KDM4C: variants seen among roughly 807,000 people sequenced by gnomAD.
The protein encoded by KDM4C is lysine-specific demethylase 4C.
In KDM4C, 81 loss-of-function variants were observed where a neutral mutation model predicts 129.3. That is an observed-to-expected ratio of 0.63 (90% confidence interval 0.52 to 0.75). KDM4C has a LOEUF of 0.75. Ranked by LOEUF, KDM4C falls within the 30% of genes least tolerant of loss-of-function variation. KDM4C has a pLI of 0.00. For missense variants in KDM4C, 1,457 were observed against 1,304.0 expected (o/e 1.12, Z -1.81); for synonymous variants, 573 against 456.1 (o/e 1.26, Z -3.26).
At chr9:6,816,815 C>T (rs1832186273) in intron 4 of KDM4C, among the ~76,000 whole-genome samples, 1 of 150,518 alleles carries the variant, frequency 6.6e-6, no homozygotes, top group East Asian at 1.9e-4. Flanking sequence ...AGTGAAGTCT[C>T]TTATACACTT....
At chr9:6,930,657 A>G (rs901993422) in intron 8 of KDM4C, among the ~76,000 whole-genome samples, 7 of 129,262 alleles carry the variant, frequency 5.4e-5, no homozygotes, top group Non-Finnish European at 1.2e-4. Flanking sequence ...TACATACTAC[A>G]TATAATAGTA....
intron 5 of KDM4C, among the ~76,000 whole-genome samples, chr9:6,869,885 T>C (rs543158798): frequency 6.6e-6 from 1 of 152,348 alleles, no homozygotes; most frequent in South Asian, 2.1e-4. Flanking sequence ...TGTTCTACTT[T>C]CCACAGTTAA....
In KDM4C at chr9:6,834,276, A is replaced by G. The variant is rs908601025; in HGVS notation, c.436-15231A>G. On this transcript the variant is annotated intron_variant, in intron 4 of 21. Transcript: ENST00000381309. ...ATTTCGGAACTCCTGAGCTCAAGCAATCTGCTCGCCTTGGCCTCCCAAAGT... is the reference window on the plus strand; with the variant it reads ...ATTTCGGAACTCCTGAGCTCAAGCAGTCTGCTCGCCTTGGCCTCCCAAAGT... 4.6e-5 allele frequency among the ~76,000 whole-genome samples: 7 copies of G among 152,108 alleles called. No individual in the cohort carries two copies. The East Asian group carries it at 7.8e-4, about 17-fold the overall frequency.
At chr9:6,828,432 C>T (rs1262814525) in intron 4 of KDM4C, among the ~76,000 whole-genome samples, 1 of 152,000 alleles carries the variant, frequency 6.6e-6, no homozygotes, top group Non-Finnish European at 1.5e-5. Context: ...CAGGTGTGAG[C>T]CACCGTGCCC....
intron 12 of KDM4C, among the ~76,000 whole-genome samples, chr9:6,994,739 A>G (rs1214909194): frequency 6.6e-6 from 1 of 152,370 alleles, no homozygotes; most frequent in South Asian, 2.1e-4. Flanking sequence ...TTGTCCAGGA[A>G]ATAGTCTCCC....
At chr9:7,058,922 A>G (rs961850081) in intron 17 of KDM4C, among the ~76,000 whole-genome samples, 1 of 152,040 alleles carries the variant, frequency 6.6e-6, no homozygotes, top group African/African-American at 2.4e-5. Context: ...TTTGGCAGAC[A>G]TTTTCTAAAA....
chr9:6,986,990 AC>A (rs1372697231), intron 11 of KDM4C: 1 of 225,096 alleles, frequency 4.4e-6, no homozygotes, highest in Non-Finnish European at 8.7e-6. Context: ...GATTCTTTGT[AC>A]CCTTTACTCA....
intron 19 of KDM4C, among the ~76,000 whole-genome samples, chr9:7,157,107 T>A (rs1263386926): frequency 2.0e-5 from 3 of 152,184 alleles, no homozygotes; most frequent in Non-Finnish European, 2.9e-5. Context: ...TTTATTTTCT[T>A]TGTAGCAGTT....
intron 17 of KDM4C, among the ~76,000 whole-genome samples, chr9:7,085,794 G>C (rs186288618): frequency 5.1e-4 from 78 of 152,178 alleles, no homozygotes; most frequent in Non-Finnish European, 1.0e-3. Context: ...GAAGTGAATG[G>C]AGCATGCAGT....
chr9:6,865,056 T>G (rs1841685694), intron 5 of KDM4C, among the ~76,000 whole-genome samples: 1 of 146,248 alleles, frequency 6.8e-6, no homozygotes, highest in Non-Finnish European at 1.5e-5. Context: ...TTGCCCAAGC[T>G]GGAGTGCAGT....
At chr9:7,140,398 G>A (rs1382966575) in intron 19 of KDM4C, among the ~76,000 whole-genome samples, 7 of 152,174 alleles carry the variant, frequency 4.6e-5, no homozygotes, top group Non-Finnish European at 4.4e-5. Flanking sequence ...GGGCAAAAAT[G>A]TAACCAGTGT....
chr9:6,884,101 A>G (rs1357620912), intron 6 of KDM4C, among the ~76,000 whole-genome samples: 1 of 152,164 alleles, frequency 6.6e-6, no homozygotes, highest in Non-Finnish European at 1.5e-5. Context: ...CCATTCCAGG[A>G]TCAGTATGAA....
chr9:6,866,642 G>T (rs147483606), intron 5 of KDM4C, among the ~76,000 whole-genome samples: 11 of 152,116 alleles, frequency 7.2e-5, no homozygotes, highest in Admixed American at 6.5e-4. Context: ...AGAAGGGACA[G>T]TGTCCTCCTA....
chr9:6,821,829 T>C (rs2131225035), intron 4 of KDM4C, among the ~76,000 whole-genome samples: 1 of 152,326 alleles, frequency 6.6e-6, no homozygotes, highest in African/African-American at 2.4e-5. Context: ...GAGACCGTGA[T>C]TCGCCATGTT....
intron 12 of KDM4C, among the ~76,000 whole-genome samples, chr9:7,009,809 G>A (rs1163059478): frequency 3.3e-5 from 5 of 151,960 alleles, no homozygotes; most frequent in Non-Finnish European, 7.4e-5. Context: ...GAACATCATT[G>A]GTTTGAATTG....
chr9:6,862,109 G>T (rs1841045911), intron 5 of KDM4C, among the ~76,000 whole-genome samples: 1 of 152,102 alleles, frequency 6.6e-6, no homozygotes, highest in Non-Finnish European at 1.5e-5. Flanking sequence ...GCAGTCAATT[G>T]TATGATCTCT....
At chr9:6,855,028 T>C (rs1265175983) in intron 5 of KDM4C, among the ~76,000 whole-genome samples, 1 of 152,228 alleles carries the variant, frequency 6.6e-6, no homozygotes, top group African/African-American at 2.4e-5. Flanking sequence ...AAAGTACATA[T>C]CACAGCTGGA....
chr9:6,889,211 T>TTGTGTGTG (rs34443147), intron 7 of KDM4C, among the ~76,000 whole-genome samples: 1,009 of 61,588 alleles, frequency 0.016, 46 homozygotes, highest in African/African-American at 0.044. Context: ...GGCCTTCTTT[T>TTGTGTGTG]TGTGTGTGTG....
intron 18 of KDM4C, among the ~76,000 whole-genome samples, chr9:7,125,223 C>T (rs1839913785): frequency 6.6e-6 from 1 of 152,172 alleles, no homozygotes; most frequent in Non-Finnish European, 1.5e-5. Context: ...ATGGCTGTTT[C>T]CTGCTTCTGG....
Sources: gnomAD v4.1 joint callset for allele counts (sites outside exome capture counted in the v4.1 genomes callset) on GRCh38, gnomAD v4.1.1 for gene constraint, MANE v1.5 for transcripts, NCBI Gene and HGNC (gene_info 2026-07-23, HGNC 2026-07-21) for gene names.